Variants in AUH observed in about 807,000 individuals in gnomAD.
AUH encodes the protein AU RNA binding methylglutaconyl-CoA hydratase, also known as methylglutaconyl-CoA hydratase, mitochondrial.
Under a neutral mutation model 42.3 loss-of-function variants are expected in AUH, and 29 were observed. The ratio of observed to expected loss-of-function variants is 0.69; its 90% CI spans 0.51 to 0.93. The LOEUF (loss-of-function observed/expected upper bound fraction) is 0.93. Among genes scored for constraint, AUH ranks in the 40% least tolerant of loss-of-function variants. AUH has a pLI of 0.00. For synonymous variants in AUH, 174 were observed against 166.4 expected, an observed-to-expected ratio of 1.05 and a Z score of -0.35; for missense variants, 452 against 438.1, an observed-to-expected ratio of 1.03 and a Z score of -0.28.
At chr9:91,328,500 C>G (rs567280696) in intron 3 of AUH, among the ~76,000 whole-genome samples, 4 of 152,070 alleles carry the variant, frequency 2.6e-5, no homozygotes, top group Non-Finnish European at 4.4e-5. Flanking sequence ...ATAAACTGGT[C>G]GGGTAAAGAG....
intron 6 of AUH, among the ~76,000 whole-genome samples, chr9:91,250,393 TAC>T (rs1204301668): frequency 6.6e-5 from 10 of 152,246 alleles, no homozygotes; most frequent in Admixed American, 6.5e-4. Context: ...GTCTATTTAT[TAC>T]ATTTTCTTGT....
intron 1 of AUH, among the ~76,000 whole-genome samples, chr9:91,356,623 C>G (rs1360471321): frequency 6.6e-6 from 1 of 152,130 alleles, no homozygotes; most frequent in Non-Finnish European, 1.5e-5. Context: ...ATTTAGATGT[C>G]CAAGAAGTAC....
chr9:91,355,314 T>C (rs1832321828), intron 3 of AUH, among the ~76,000 whole-genome samples: 1 of 152,172 alleles, frequency 6.6e-6, no homozygotes, highest in African/African-American at 2.4e-5. Context: ...CCCAGCACTT[T>C]GGAAGGCCAA....
rs1826704612 is a variant in AUH at position 91,214,381 on chromosome 9, T to C, written c.987A>G (p.Lys329=). Residue 329 remains lysine (K), a synonymous_variant, in exon 10 of 10, where the codon AAA becomes AAG. Coordinates refer to ENST00000375731, the MANE Select transcript of AUH (RefSeq NM_001698.3). ...CTTTATAGCGAGGGGGCCTTTTCTCTTTAAAAGCAAGAAGACCTTCAAGTC... is the reference window on the plus strand; with the variant it reads ...CTTTATAGCGAGGGGGCCTTTTCTCCTTAAAAGCAAGAAGACCTTCAAGTC... The part of the protein sequence containing the change: ...KDRLEGLLAF[K]EKRPPRYKGE 1.2e-6 allele frequency: 2 copies of C among 1,610,516 alleles called. No homozygotes were observed. Among genetic ancestry groups the C allele is most frequent in the Non-Finnish European group, 1.7e-6 (2 of 1,178,420 alleles).
chr9:91,347,042 G>GT (rs1427737466), intron 3 of AUH, among the ~76,000 whole-genome samples: 3 of 151,618 alleles, frequency 2.0e-5, no homozygotes, highest in Non-Finnish European at 2.9e-5. Context: ...CCCATTTTTT[G>GT]TTTTGTTTTT....
chr9:91,216,194 C>G (rs1159380184), intron 8 of AUH, 88 bp from the exon 9 acceptor site: 1 of 1,236,790 alleles, frequency 8.1e-7, no homozygotes, highest in African/African-American at 1.5e-5. Flanking sequence ...ATAACCTTAT[C>G]CCCAAAGCAC....
chr9:91,308,293 C>G (rs1252194581), intron 4 of AUH, among the ~76,000 whole-genome samples: 1 of 152,156 alleles, frequency 6.6e-6, no homozygotes. Flanking sequence ...CCCAGGAGTT[C>G]AAGGCTACAG....
At chr9:91,241,320 T>C (rs796602175) in intron 6 of AUH, among the ~76,000 whole-genome samples, 8 of 152,308 alleles carry the variant, frequency 5.3e-5, no homozygotes, top group African/African-American at 1.9e-4. Flanking sequence ...TGCCATAACA[T>C]GCCTAACCAA....
chr9:91,346,682 T>C (rs1321976676), intron 3 of AUH, among the ~76,000 whole-genome samples: 1 of 152,144 alleles, frequency 6.6e-6, no homozygotes, highest in Non-Finnish European at 1.5e-5. Context: ...AGTTAAATTC[T>C]GCCACCATCC....
chr9:91,348,706 C>G (rs929986018), intron 3 of AUH, among the ~76,000 whole-genome samples: 1 of 152,114 alleles, frequency 6.6e-6, no homozygotes, highest in African/African-American at 2.4e-5. Flanking sequence ...AGATGCTAAA[C>G]TAGGAGCAGC....
At chr9:91,259,312 A>C (rs1425683560) in intron 6 of AUH, among the ~76,000 whole-genome samples, 2 of 152,114 alleles carry the variant, frequency 1.3e-5, no homozygotes, top group Non-Finnish European at 2.9e-5. Context: ...CTACTGTTTA[A>C]ATGTCGTAGG....
rs1832764411 is a variant in AUH, at chr9:91,360,467, C to A, written c.262+1161G>T. Reference sequence around the variant, plus strand: ...TGGAATAATAAGTAAGGAATAAAGTCATTCATCACACTCCTGAAGCACTGC... The same window carrying A: ...TGGAATAATAAGTAAGGAATAAAGTAATTCATCACACTCCTGAAGCACTGC... On this transcript the variant is annotated intron_variant, in intron 1 of 9. Transcript: ENST00000375731. 4 of 152,220 alleles carry A rather than the reference C, an allele frequency of 2.6e-5. No individual in the cohort carries two copies. The South Asian group carries it at 8.3e-4, about 32-fold the overall frequency. 9.4% of individuals were successfully genotyped at this position (152,220 alleles called of 1,614,324 possible).
At chr9:91,293,954 T>C (rs1039994198) in intron 6 of AUH, among the ~76,000 whole-genome samples, 1 of 152,250 alleles carries the variant, frequency 6.6e-6, no homozygotes, top group African/African-American at 2.4e-5. Context: ...CCCAAACTTC[T>C]AGAGCCCTTA....
rs766945771 is a variant in AUH at position 91,361,657 on chromosome 9, C to T, written c.233G>A (p.Arg78Gln). The T allele has an allele frequency of 1.3e-6, 2 of 1,582,808 alleles. No homozygotes were observed. The highest frequency in any genetic ancestry group is 1.8e-5 in the Admixed American group (1 of 55,910). ...SSEMKTEDEL[R>Q]VRHLEEENRG... is the part of the protein sequence containing the mutation. ...GTTCTCCTCCTCCAGGTGCCGCACC[C>T]GCAGCTCGTCCTCCGTCTTCATCTC... is the stretch of plus-strand genomic sequence containing the variant. Residue 78 changes from arginine to glutamine, a missense_variant, in exon 1 of 10, where the codon CGG becomes CAG. Arg to Gln is a conservative substitution (Grantham distance 43). Transcript: ENST00000375731.
intron 4 of AUH, among the ~76,000 whole-genome samples, chr9:91,308,323 T>C (rs1828390744): frequency 6.6e-6 from 1 of 152,218 alleles, no homozygotes; most frequent in South Asian, 2.1e-4. Flanking sequence ...ACTGTGCCAC[T>C]GCACTTCAGC....
intron 6 of AUH, among the ~76,000 whole-genome samples, chr9:91,228,786 TA>T (rs1313040126): frequency 6.6e-6 from 1 of 152,206 alleles, no homozygotes; most frequent in African/African-American, 2.4e-5. Context: ...AGAACATCTT[TA>T]TATCTGCCTT....
At chr9:91,332,543 T>G (rs935281635) in intron 3 of AUH, among the ~76,000 whole-genome samples, 1 of 152,104 alleles carries the variant, frequency 6.6e-6, no homozygotes, top group Non-Finnish European at 1.5e-5. Flanking sequence ...CCTTAAAAAG[T>G]GTAAACTGAA....
intron 3 of AUH, among the ~76,000 whole-genome samples, chr9:91,349,636 T>C (rs983872410): frequency 2.6e-5 from 4 of 151,668 alleles, no homozygotes; most frequent in African/African-American, 7.3e-5. Context: ...CTTGTGTGTG[T>C]GTGTATGTGT....
chr9:91,235,878 C>G (rs1334174157), intron 6 of AUH, among the ~76,000 whole-genome samples: 1 of 152,164 alleles, frequency 6.6e-6, no homozygotes, highest in Non-Finnish European at 1.5e-5. Context: ...CACCTTGTGA[C>G]CATGATGGAA....
Sources: gnomAD v4.1 joint callset for allele counts (sites outside exome capture counted in the v4.1 genomes callset) on GRCh38, gnomAD v4.1.1 for gene constraint, MANE v1.5 for transcripts, NCBI Gene and HGNC (gene_info 2026-07-23, HGNC 2026-07-21) for gene names.